Variants in CDH18 observed in about 807,000 individuals in gnomAD.
CDH18 encodes the protein cadherin-18.
Under a neutral mutation model 67.9 loss-of-function variants are expected in CDH18, and 31 were observed. That is an observed-to-expected ratio of 0.46 (90% CI 0.34 to 0.62). The LOEUF (loss-of-function observed/expected upper bound fraction) is 0.62. Among genes scored for constraint, CDH18 ranks in the 20% least tolerant of loss-of-function variants. The probability of loss-of-function intolerance (pLI) is 0.01; values close to 1 mark genes in which losing one functional copy is unlikely to be tolerated. For synonymous variants in CDH18, 362 were observed against 347.2 expected, an observed-to-expected ratio of 1.04 and a Z score of -0.48; for missense variants, 890 against 975.5, an observed-to-expected ratio of 0.91 and a Z score of 1.17.
chr5:20,556,153 AG>A, intron 1 of CDH18, among the ~76,000 whole-genome samples: 1 of 152,266 alleles, frequency 6.6e-6, no homozygotes, highest in South Asian at 2.1e-4. Context: ...CTGAAGAAAA[AG>A]TCTGATTTTC....
intron 2 of CDH18, among the ~76,000 whole-genome samples, chr5:19,914,387 T>C (rs1157257897): frequency 6.6e-6 from 1 of 152,008 alleles, no homozygotes; most frequent in Non-Finnish European, 1.5e-5. Flanking sequence ...AAAAAGAAAA[T>C]GCAATTAGCA....
intron 1 of CDH18, among the ~76,000 whole-genome samples, chr5:20,384,288 T>C (rs1744137343): frequency 6.6e-6 from 1 of 152,188 alleles, no homozygotes; most frequent in African/African-American, 2.4e-5. Flanking sequence ...GCATTCTACT[T>C]TCCATTTTTG....
At chr5:19,777,434 A>T (rs1774525465) in intron 3 of CDH18, among the ~76,000 whole-genome samples, 1 of 152,208 alleles carries the variant, frequency 6.6e-6, no homozygotes, top group African/African-American at 2.4e-5. Context: ...TAGCAATTAT[A>T]CATAGAGCTC....
chr5:20,355,481 G>C (rs1483589258), intron 1 of CDH18, among the ~76,000 whole-genome samples: 1 of 152,020 alleles, frequency 6.6e-6, no homozygotes, highest in Non-Finnish European at 1.5e-5. Context: ...AAAGATATGG[G>C]TGGCCAAAAA....
intron 1 of CDH18, among the ~76,000 whole-genome samples, chr5:20,443,686 T>C (rs1749798708): frequency 6.6e-6 from 1 of 151,910 alleles, no homozygotes; most frequent in African/African-American, 2.4e-5. Context: ...AGTTTTTAAA[T>C]ATTGCCTCCT....
chr5:20,289,737 G>A (rs543327303), intron 1 of CDH18, among the ~76,000 whole-genome samples: 1 of 152,008 alleles, frequency 6.6e-6, no homozygotes, highest in African/African-American at 2.4e-5. Flanking sequence ...TAAATTTGTT[G>A]TAGCAGTAAC....
At chr5:20,566,962 A>G (rs1246787964) in intron 1 of CDH18, among the ~76,000 whole-genome samples, 2 of 152,140 alleles carry the variant, frequency 1.3e-5, no homozygotes, top group Non-Finnish European at 2.9e-5. Context: ...CAATTGTTCA[A>G]TACTGTATTG....
intron 4 of CDH18, among the ~76,000 whole-genome samples, chr5:19,732,294 A>C (rs1317340110): frequency 6.6e-6 from 1 of 152,038 alleles, no homozygotes; most frequent in Non-Finnish European, 1.5e-5. Flanking sequence ...AAAAGTTTTT[A>C]AAATAAAAAA....
intron 4 of CDH18, among the ~76,000 whole-genome samples, chr5:19,739,433 T>G (rs1768809910): frequency 1.3e-5 from 2 of 152,096 alleles, no homozygotes; most frequent in African/African-American, 4.8e-5. Context: ...GTAACCAGCA[T>G]CCACCACTGC....
intron 1 of CDH18, among the ~76,000 whole-genome samples, chr5:20,492,865 C>T (rs977957989): frequency 3.3e-5 from 5 of 152,044 alleles, no homozygotes; most frequent in Non-Finnish European, 5.9e-5. Context: ...GCACTCATTG[C>T]TTAGCATAAT....
At chr5:20,322,042 G>A (rs1038664935) in intron 1 of CDH18, among the ~76,000 whole-genome samples, 1 of 151,916 alleles carries the variant, frequency 6.6e-6, no homozygotes, top group Non-Finnish European at 1.5e-5. Context: ...GTGGTTACAG[G>A]CTTTAATTAG....
chr5:20,273,703 G>A (rs1745602852), intron 1 of CDH18, among the ~76,000 whole-genome samples: 2 of 151,990 alleles, frequency 1.3e-5, no homozygotes, highest in Non-Finnish European at 2.9e-5. Context: ...GCTTATCCAT[G>A]TGTGTTATCA....
At chr5:19,508,865 CTTTTT>C (rs35438564) in intron 10 of CDH18, among the ~76,000 whole-genome samples, 5 of 127,600 alleles carry the variant, frequency 3.9e-5, no homozygotes, top group African/African-American at 3.0e-5. Flanking sequence ...TCTTTCTTTT[CTTTTT>C]TTTTTTTTTT....
chr5:19,489,142 C>A (rs1740868752), intron 11 of CDH18, among the ~76,000 whole-genome samples: 1 of 151,864 alleles, frequency 6.6e-6, no homozygotes, highest in South Asian at 2.1e-4. Flanking sequence ...TTATAACCAT[C>A]TTAACTGATT....
intron 5 of CDH18, among the ~76,000 whole-genome samples, chr5:19,687,777 C>G (rs918947884): frequency 6.6e-6 from 1 of 152,204 alleles, no homozygotes; most frequent in South Asian, 2.1e-4. Context: ...AAAGAAGACC[C>G]AATCCTCCAG....
chr5:19,845,703 A>G (rs548015012), intron 2 of CDH18, among the ~76,000 whole-genome samples: 29 of 151,622 alleles, frequency 1.9e-4, no homozygotes, highest in Non-Finnish European at 2.9e-4. Context: ...GTGCATATAT[A>G]TTTATAATTG....
chr5:19,756,897 C>T lies in CDH18; in HGVS notation c.229-9661G>A, dbSNP rs564294731. Among the ~76,000 whole-genome samples, 106 of 152,254 alleles carry T rather than the reference C, an allele frequency of 7.0e-4. 2 individuals carry two copies. In the South Asian group the frequency reaches 0.02, roughly 29 times the overall value. On this transcript the variant is annotated intron_variant, in intron 3 of 12. Transcript: ENST00000382275. Reference sequence around the variant, plus strand: ...TGATTCCCGGATCCATGAATCTTCGCTATGGGAGAAACAGTACAATATAGC... The same window carrying T: ...TGATTCCCGGATCCATGAATCTTCGTTATGGGAGAAACAGTACAATATAGC...
At chr5:19,547,201 T>C (rs1736483813) in intron 8 of CDH18, among the ~76,000 whole-genome samples, 1 of 152,194 alleles carries the variant, frequency 6.6e-6, no homozygotes. Context: ...AAATGACAGA[T>C]GTCTTATCAT....
intron 2 of CDH18, among the ~76,000 whole-genome samples, chr5:19,869,479 C>T (rs1255341800): frequency 6.6e-6 from 1 of 151,960 alleles, no homozygotes; most frequent in Non-Finnish European, 1.5e-5. Context: ...TAAGTATAAG[C>T]ATTATATACA....
Sources: allele counts gnomAD v4.1 joint callset (sites outside exome capture counted in the v4.1 genomes callset), GRCh38; gene constraint gnomAD v4.1.1; transcripts MANE v1.5; gene names NCBI Gene and HGNC (gene_info 2026-07-23, HGNC 2026-07-21).